METTL21A: variants seen among roughly 807,000 people sequenced by gnomAD.
METTL21A encodes methyltransferase 21A, HSPA lysine.
Under a neutral mutation model 20.9 loss-of-function variants are expected in METTL21A, and 22 were observed. The ratio of observed to expected loss-of-function variants is 1.05; its 90% confidence interval spans 0.75 to 1.50. The LOEUF (loss-of-function observed/expected upper bound fraction) is 1.50, where lower values mean the gene tolerates loss of function less well. Ranked by LOEUF, METTL21A falls within the 40% of genes most tolerant of loss-of-function variation. The pLI is 0.00. For synonymous variants in METTL21A, 93 were observed against 102.0 expected (o/e 0.91, Z 0.53); for missense variants, 271 against 266.8 (o/e 1.02, Z -0.11).
At chr2:207,624,318 G>C in exon 2 of METTL21A, 8 of 1,614,018 alleles carry the variant, frequency 5.0e-6, no homozygotes, top group Non-Finnish European at 6.8e-6. Flanking sequence ...GTTGCAAGAG[G>C]CTTGTGGAAT....
intron 3 of METTL21A, among the ~76,000 whole-genome samples, chr2:207,590,083 G>GTTTTTTTTT (rs59126515): frequency 1.3e-5 from 1 of 76,154 alleles, no homozygotes; most frequent in Admixed American, 1.7e-4. Flanking sequence ...ATTTTGAGAA[G>GTTTTTTTTT]TTTTTTTTTT....
At chr2:207,614,239 A>G (rs189337915) in intron 3 of METTL21A, among the ~76,000 whole-genome samples, 20 of 152,200 alleles carry the variant, frequency 1.3e-4, no homozygotes, top group South Asian at 2.1e-4. Context: ...CATCTCTACA[A>G]ATAATTTTTT....
At chr2:207,605,724 C>T (rs2709396), downstream of METTL21A, among the ~76,000 whole-genome samples, 128,469 of 152,178 alleles carry the variant, frequency 0.84, 54,410 homozygotes, top group East Asian at 1. Context: ...CAGTCCTCTT[C>T]TGGGGACATT....
chr2:207,596,701 G>A (rs2086238679), intron 3 of METTL21A, among the ~76,000 whole-genome samples: 1 of 152,202 alleles, frequency 6.6e-6, no homozygotes, highest in African/African-American at 2.4e-5. Flanking sequence ...CGAAAGTGCT[G>A]GGATTACAGG....
intron 3 of METTL21A, among the ~76,000 whole-genome samples, chr2:207,589,127 T>C (rs2084479925): frequency 6.6e-6 from 1 of 152,178 alleles, no homozygotes; most frequent in African/African-American, 2.4e-5. Context: ...GCCACAAACT[T>C]ACTGGCTTAA....
At chr2:207,616,582 C>T (rs1458229298) in intron 3 of METTL21A, among the ~76,000 whole-genome samples, 2 of 152,174 alleles carry the variant, frequency 1.3e-5, no homozygotes, top group Admixed American at 6.5e-5. Context: ...CGGTGACTCA[C>T]GCCTGTAATC....
downstream of METTL21A, among the ~76,000 whole-genome samples, chr2:207,605,320 G>A (rs2087905870): frequency 2.0e-5 from 3 of 152,130 alleles, no homozygotes; most frequent in Admixed American, 2.0e-4. Context: ...TAATGATGTG[G>A]AGCATCTTTT....
downstream of METTL21A, among the ~76,000 whole-genome samples, chr2:207,606,110 A>C (rs2088054626): frequency 6.6e-6 from 1 of 152,222 alleles, no homozygotes; most frequent in South Asian, 2.1e-4. Flanking sequence ...AGTGTTACTA[A>C]ATTTTTAACC....
downstream of METTL21A, among the ~76,000 whole-genome samples, chr2:207,608,658 G>A (rs1275816772): frequency 3.3e-5 from 5 of 152,178 alleles, no homozygotes; most frequent in East Asian, 3.9e-4. Flanking sequence ...TCTGCCGGGC[G>A]CGGTGGCTCA....
chr2:207,599,951 T>G (rs907266488), intron 3 of METTL21A: 4 of 192,984 alleles, frequency 2.1e-5, no homozygotes, highest in Admixed American at 1.2e-4. Context: ...TATAGGGCCA[T>G]GTGGCACTTT....
downstream of METTL21A, among the ~76,000 whole-genome samples, chr2:207,604,533 C>T (rs547160772): frequency 7.9e-5 from 12 of 152,300 alleles, no homozygotes; most frequent in Middle Eastern, 3.4e-3. Context: ...AATTCTAACA[C>T]GGGCCTGACA....
chr2:207,622,311 G>C (rs2090592839), intron 2 of METTL21A, among the ~76,000 whole-genome samples: 1 of 152,004 alleles, frequency 6.6e-6, no homozygotes, highest in Non-Finnish European at 1.5e-5. Flanking sequence ...TGGGACACAG[G>C]CGTGCACCAC....
chr2:207,621,912 G>A lies in METTL21A; in HGVS notation c.153C>T (p.Ile51=), dbSNP rs746747451. 8 of 1,613,292 alleles carry A rather than the reference G, an allele frequency of 5.0e-6. No homozygotes were observed. The Admixed American group carries it at 6.7e-5, about 13-fold the overall frequency. Residue 51 remains isoleucine, a synonymous_variant, in exon 3 of 4, where the codon ATC becomes ATT. Transcript: ENST00000406927. The stretch of plus-strand genomic sequence containing the variant: ...CCATCTCCAGGTATGTGGAAAGAAC[G>A]ATGGCCTGAATGAAAACACAGTGTG...
At chr2:207,600,889 GCTTTA>G (rs2086932310) in intron 3 of METTL21A, 1 of 202,622 alleles carries the variant, frequency 4.9e-6, no homozygotes, top group African/African-American at 2.3e-5. Context: ...AAACCAGGAT[GCTTTA>G]CTTACTTGAA....
intron 3 of METTL21A, chr2:207,601,048 A>G (rs139870509): frequency 2.2e-3 from 412 of 190,480 alleles, no homozygotes; most frequent in Middle Eastern, 9.4e-3. Context: ...GGGCTAATGT[A>G]TCTTAAAGTT....
chr2:207,591,962 A>T (rs1051333269), intron 3 of METTL21A, among the ~76,000 whole-genome samples: 1 of 152,148 alleles, frequency 6.6e-6, no homozygotes, highest in Non-Finnish European at 1.5e-5. Context: ...TTCCTTATAT[A>T]AATCCATGTT....
At chr2:207,587,106 T>A (rs962081185) in intron 3 of METTL21A, among the ~76,000 whole-genome samples, 1 of 151,888 alleles carries the variant, frequency 6.6e-6, no homozygotes, top group African/African-American at 2.4e-5. Flanking sequence ...TCAAAAAAAC[T>A]AAAAGGGCCA....
At chr2:207,585,086 G>A (rs2083583615) in intron 3 of METTL21A, among the ~76,000 whole-genome samples, 1 of 151,972 alleles carries the variant, frequency 6.6e-6, no homozygotes, top group South Asian at 2.1e-4. Flanking sequence ...GGTTGGTCCT[G>A]CCCACCAGCA....
At chr2:207,600,250 T>C in intron 3 of METTL21A, 1 of 163,078 alleles carries the variant, frequency 6.1e-6, no homozygotes, top group Non-Finnish European at 1.3e-5. Context: ...TATATATATA[T>C]ATATATATAT....
Sources: gnomAD v4.1 joint callset for allele counts (sites outside exome capture counted in the v4.1 genomes callset) on GRCh38, gnomAD v4.1.1 for gene constraint, MANE v1.5 for transcripts, NCBI Gene and HGNC (gene_info 2026-07-23, HGNC 2026-07-21) for gene names.